DST: variants seen among roughly 807,000 people sequenced by gnomAD.
DST encodes the protein dystonin, also known as bullous pemphigoid antigen.
In DST, 253 loss-of-function variants were observed where a neutral mutation model predicts 875.2. The observed-to-expected ratio is 0.29, with a 90% confidence interval of 0.26 to 0.32. DST has a LOEUF of 0.32. DST is among the 10% of genes least tolerant of loss of function. The pLI, the probability that DST is intolerant of heterozygous loss-of-function variation, is 1.00. For missense variants in DST, 8,287 were observed against 9,111.6 expected (o/e 0.91, Z 3.68); for synonymous variants, 3,124 against 3,197.1 (o/e 0.98, Z 0.77).
chr6:56,569,049 G>A (rs887921788), intron 54 of DST, among the ~76,000 whole-genome samples: 2 of 152,016 alleles, frequency 1.3e-5, no homozygotes, highest in South Asian at 2.1e-4. Context: ...ACGGTCGGGC[G>A]AGGTGGCTCA....
At chr6:56,638,638 A>AT (rs2098847551) in intron 22 of DST, among the ~76,000 whole-genome samples, 1 of 152,156 alleles carries the variant, frequency 6.6e-6, no homozygotes, top group Admixed American at 6.5e-5. Context: ...AATTTAAAAC[A>AT]TTGTCCCAAC....
At chr6:56,623,935 C>G (rs2098711612) in intron 36 of DST, among the ~76,000 whole-genome samples, 1 of 151,376 alleles carries the variant, frequency 6.6e-6, no homozygotes, top group Non-Finnish European at 1.5e-5. Flanking sequence ...TTCTCCAAAT[C>G]AGAGTGGCAT....
At position 56,814,716 on chromosome 6, in the gene DST, A is replaced by G. The variant is rs898627997; in HGVS notation, c.625+36681T>C. Among the ~76,000 whole-genome samples, 7 of 152,212 alleles carry G rather than the reference A, an allele frequency of 4.6e-5. 1 individual carries two copies. Among genetic ancestry groups the G allele is most frequent in the African/African-American group, 1.7e-4 (7 of 41,454 alleles). ...TGAAAATGAACTCTCTACTCTTAAG[A>G]TGTTTGGCAGAAGACTCCAAAGGTA... On this transcript the variant is annotated intron_variant, in intron 4 of 103. Coordinates refer to ENST00000680361, the MANE Select transcript of DST (RefSeq NM_001374736.1).
At chr6:56,471,339 C>G (rs2094881270) in intron 94 of DST, 71 bp from the exon 95 acceptor site, 1 of 1,176,518 alleles carries the variant, frequency 8.5e-7, no homozygotes, top group South Asian at 1.6e-5. Flanking sequence ...ATATGAATAA[C>G]TTTTGAAATG....
At chr6:56,786,419 C>A (rs1264198406) in intron 4 of DST, among the ~76,000 whole-genome samples, 2 of 152,206 alleles carry the variant, frequency 1.3e-5, no homozygotes, top group African/African-American at 4.8e-5. Context: ...AATGAGAATA[C>A]CCTAAGACCT....
chr6:56,709,360 G>A (rs1411261763), intron 5 of DST, among the ~76,000 whole-genome samples: 1 of 152,196 alleles, frequency 6.6e-6, no homozygotes, highest in Non-Finnish European at 1.5e-5. Flanking sequence ...TGCCAGGTCT[G>A]TATTACCTAA....
chr6:56,706,239 A>G (rs897269949), intron 5 of DST, among the ~76,000 whole-genome samples: 1 of 151,872 alleles, frequency 6.6e-6, no homozygotes, highest in Admixed American at 6.6e-5. Context: ...ACTTGAACTC[A>G]GGAGGCGGAG....
At chr6:56,859,387 A>C (rs1769799152) in intron 3 of DST, among the ~76,000 whole-genome samples, 1 of 152,220 alleles carries the variant, frequency 6.6e-6, no homozygotes, top group Non-Finnish European at 1.5e-5. Context: ...ATTTTCAAAA[A>C]ATTTCAGACA....
intron 9 of DST, chr6:56,692,518 C>G: frequency 1.6e-6 from 2 of 1,289,718 alleles, no homozygotes; most frequent in South Asian, 2.5e-5. Context: ...TTCTTGAATA[C>G]TGCTATAACT....
At chr6:56,934,479 G>A (rs1307923948) in intron 2 of DST, among the ~76,000 whole-genome samples, 2 of 149,158 alleles carry the variant, frequency 1.3e-5, no homozygotes, top group Non-Finnish European at 3.0e-5. Flanking sequence ...GCTCAAGAGG[G>A]GGACAGTTTA....
rs2098877903 is a variant in DST, at chr6:56,640,146, C to T, written c.2487G>A (p.Met829Ile). ...VQDLLNWVDE[M>I]QVQLDRTEWG... Reference sequence around the variant, plus strand: ...GGTAAAGTAAACATTTTTTTACCTGCATCTCATCAACCCAATTCAAAAGAT... The same window carrying T: ...GGTAAAGTAAACATTTTTTTACCTGTATCTCATCAACCCAATTCAAAAGAT... Residue 829 changes from methionine to isoleucine, a missense_variant, in exon 18 of 104, where the codon ATG becomes ATA. By Grantham distance (10) the Met-to-Ile change is conservative. Transcript: ENST00000680361. 6.2e-7 allele frequency: 1 copy of T among 1,613,694 alleles called. No homozygotes were observed. The highest frequency in any genetic ancestry group is 8.5e-7 in the Non-Finnish European group (1 of 1,179,644).
intron 4 of DST, among the ~76,000 whole-genome samples, chr6:56,777,077 T>C (rs1251270137): frequency 1.3e-5 from 2 of 151,336 alleles, no homozygotes; most frequent in African/African-American, 4.9e-5. Flanking sequence ...ACTGCTCATC[T>C]TCATGCAGAG....
At chr6:56,533,678 A>G (rs957224370) in intron 63 of DST, among the ~76,000 whole-genome samples, 9 of 152,266 alleles carry the variant, frequency 5.9e-5, no homozygotes, top group Non-Finnish European at 1.3e-4. Context: ...TTGGCTAAGC[A>G]TCATGACTCT....
rs1205571787 is a variant in DST, at chr6:56,608,300, G to C, written c.6328C>G (p.Leu2110Val). Residue 2110 changes from leucine (L) to valine (V), a missense_variant, in exon 40 of 104, where the codon CTT becomes GTT. Transcript: ENST00000680361. The stretch of plus-strand genomic sequence containing the variant: ...ACTTGAGAACTTTCTGGAATATAAA[G>C]AGCAGCTATTTTTTGTCTGCCATTC... ...ILNGRQKIAA[L>V]YIPESSQVIG... 6.2e-7 allele frequency: 1 copy of C among 1,613,430 alleles called. No homozygotes were observed. Among genetic ancestry groups the C allele is most frequent in the Non-Finnish European group, 8.5e-7 (1 of 1,179,796 alleles).
At chr6:56,462,462 T>C (rs2094383150) in intron 102 of DST, among the ~76,000 whole-genome samples, 1 of 152,176 alleles carries the variant, frequency 6.6e-6, no homozygotes, top group Non-Finnish European at 1.5e-5. Context: ...CAAATAACTT[T>C]CTGCATACCT....
intron 87 of DST, among the ~76,000 whole-genome samples, chr6:56,486,755 A>G (rs1056772818): frequency 1.3e-5 from 2 of 152,154 alleles, no homozygotes; most frequent in African/African-American, 4.8e-5. Context: ...GAATGACAAG[A>G]TTCCATTTAC....
At chr6:56,495,412 TG>T (rs911224216) in intron 82 of DST, among the ~76,000 whole-genome samples, 2 of 152,016 alleles carry the variant, frequency 1.3e-5, no homozygotes, top group African/African-American at 4.8e-5. Flanking sequence ...TTCGCTGAAA[TG>T]GAATATTTTC....
intron 87 of DST, 142 bp downstream of exon 87, chr6:56,486,962 G>T: frequency 1.6e-6 from 1 of 640,548 alleles, no homozygotes; most frequent in Non-Finnish European, 2.6e-6. Flanking sequence ...CAAGTGCTAT[G>T]TGTGTGGGAT....
chr6:56,510,752 AAG>A (rs1312259411), intron 73 of DST, among the ~76,000 whole-genome samples: 1 of 152,220 alleles, frequency 6.6e-6, no homozygotes, highest in Non-Finnish European at 1.5e-5. Flanking sequence ...TTCTTGAAAA[AAG>A]ATATTTTCAG....
Sources: allele counts gnomAD v4.1 joint callset (sites outside exome capture counted in the v4.1 genomes callset), GRCh38; gene constraint gnomAD v4.1.1; transcripts MANE v1.5; gene names NCBI Gene and HGNC (gene_info 2026-07-23, HGNC 2026-07-21).